TAFA2: variants seen among roughly 807,000 people sequenced by gnomAD.
TAFA2 encodes TAFA chemokine like family member 2.
TAFA2 carries 7 observed loss-of-function variants against 18.8 expected under a neutral mutation model. The ratio of observed to expected loss-of-function variants is 0.37; its 90% confidence interval spans 0.21 to 0.70. The LOEUF (loss-of-function observed/expected upper bound fraction) is 0.70. Among genes scored for constraint, TAFA2 ranks in the 30% least tolerant of loss-of-function variants. The probability of loss-of-function intolerance (pLI) is 0.53; values close to 1 mark genes in which losing one functional copy is unlikely to be tolerated. For missense variants in TAFA2, 122 were observed against 158.1 expected, an observed-to-expected ratio of 0.77 and a Z score of 1.23; for synonymous variants, 60 against 54.2, an observed-to-expected ratio of 1.11 and a Z score of -0.47.
chr12:62,230,655 T>G (rs1162327879), intron 1 of TAFA2, among the ~76,000 whole-genome samples: 2 of 152,158 alleles, frequency 1.3e-5, no homozygotes, highest in Non-Finnish European at 2.9e-5. Context: ...AGAATGTTTT[T>G]GGGTTTTGGT....
chr12:61,971,562 A>C (rs371517850), intron 1 of TAFA2, among the ~76,000 whole-genome samples: 1 of 151,924 alleles, frequency 6.6e-6, no homozygotes, highest in Non-Finnish European at 1.5e-5. Flanking sequence ...GGATGAGTTC[A>C]TGTCCTTTGC....
chr12:61,753,543 C>T, intron 4 of TAFA2, 79 bp downstream of exon 4: 3 of 1,339,406 alleles, frequency 2.2e-6, no homozygotes, highest in South Asian at 3.0e-5. Flanking sequence ...ACAATTGCCA[C>T]TTAAATTGGT....
intron 1 of TAFA2, among the ~76,000 whole-genome samples, chr12:62,140,995 C>G (rs1173304931): frequency 6.6e-6 from 1 of 152,184 alleles, no homozygotes; most frequent in Non-Finnish European, 1.5e-5. Context: ...AGGTGCTGTG[C>G]TGAGTGCTTT....
chr12:61,908,261 A>T (rs920983990), intron 1 of TAFA2, among the ~76,000 whole-genome samples: 6 of 152,140 alleles, frequency 3.9e-5, no homozygotes, highest in African/African-American at 1.4e-4. Flanking sequence ...GGAGGGACCC[A>T]GTGGGAGGTA....
At chr12:61,925,148 C>G (rs1244938332) in intron 1 of TAFA2, among the ~76,000 whole-genome samples, 2 of 152,130 alleles carry the variant, frequency 1.3e-5, no homozygotes, top group African/African-American at 2.4e-5. Context: ...GAGACATTAA[C>G]ACCCCACTGT....
At chr12:61,909,107 A>G (rs1876491502) in intron 1 of TAFA2, among the ~76,000 whole-genome samples, 1 of 152,140 alleles carries the variant, frequency 6.6e-6, no homozygotes, top group African/African-American at 2.4e-5. Flanking sequence ...ATCTAGAGAG[A>G]AAGGCATCCA....
At chr12:62,024,676 T>C (rs1881257106) in intron 1 of TAFA2, among the ~76,000 whole-genome samples, 1 of 151,888 alleles carries the variant, frequency 6.6e-6, no homozygotes. Flanking sequence ...TAAACAACCT[T>C]CATAATGGGA....
intron 2 of TAFA2, among the ~76,000 whole-genome samples, chr12:61,807,116 G>C (rs1375013463): frequency 2.0e-5 from 3 of 150,492 alleles, no homozygotes; most frequent in Non-Finnish European, 4.4e-5. Flanking sequence ...CGTCTTCATA[G>C]CAGGACCTCC....
intron 1 of TAFA2, among the ~76,000 whole-genome samples, chr12:61,925,876 C>A (rs914898408): frequency 5.3e-5 from 8 of 152,220 alleles, no homozygotes; most frequent in Admixed American, 1.3e-4. Context: ...GAGATACAGA[C>A]ACGAAAAGCC....
intron 2 of TAFA2, among the ~76,000 whole-genome samples, chr12:61,794,798 C>T (rs543769066): frequency 7.2e-5 from 11 of 152,054 alleles, no homozygotes; most frequent in Non-Finnish European, 1.3e-4. Flanking sequence ...AGGCAACCCA[C>T]ACAATGGGAA....
intron 1 of TAFA2, among the ~76,000 whole-genome samples, chr12:61,936,585 CAAATAAAT>C (rs59196910): frequency 1.7e-4 from 26 of 150,818 alleles, no homozygotes; most frequent in East Asian, 5.9e-4. Context: ...CATAAAAATA[CAAATAAAT>C]AAATAAATAA....
At chr12:62,142,677 T>A (rs781122552) in intron 1 of TAFA2, among the ~76,000 whole-genome samples, 12 of 152,280 alleles carry the variant, frequency 7.9e-5, no homozygotes, top group Middle Eastern at 3.4e-3. Flanking sequence ...AAGCAAAGTT[T>A]CCCATGGTAT....
intron 1 of TAFA2, among the ~76,000 whole-genome samples, chr12:62,183,495 C>A (rs1423276265): frequency 6.6e-6 from 1 of 152,150 alleles, no homozygotes; most frequent in African/African-American, 2.4e-5. Flanking sequence ...GCAAACCTCC[C>A]ACCTCAGCCT....
chr12:61,972,842 G>A lies in TAFA2; in HGVS notation c.-1-105416C>T, dbSNP rs74096148. Reference sequence around the variant, plus strand: ...GAAAAGTGAGAGGTAACATCAAACTGGGGTCAAGCGGATTACAGATAGTTC... The same window carrying A: ...GAAAAGTGAGAGGTAACATCAAACTAGGGTCAAGCGGATTACAGATAGTTC... On this transcript the variant is annotated intron_variant, in intron 1 of 4. Transcript: ENST00000416284. Among the ~76,000 whole-genome samples the A allele has an allele frequency of 8.1e-3, 1,229 of 151,596 alleles. 16 individuals carry two copies. The highest frequency in any genetic ancestry group is 0.029 in the African/African-American group (1,188 of 41,412).
chr12:61,866,780 A>C (rs2121217783), intron 2 of TAFA2, among the ~76,000 whole-genome samples: 1 of 152,302 alleles, frequency 6.6e-6, no homozygotes, highest in Non-Finnish European at 1.5e-5. Flanking sequence ...CATTGAAAGA[A>C]AATTTACATA....
At chr12:62,003,235 A>G (rs1028218878) in intron 1 of TAFA2, among the ~76,000 whole-genome samples, 2 of 152,126 alleles carry the variant, frequency 1.3e-5, no homozygotes, top group African/African-American at 4.8e-5. Context: ...CAATACTCTC[A>G]AGTGGCTTCC....
intron 2 of TAFA2, among the ~76,000 whole-genome samples, chr12:61,860,821 C>T (rs1431323633): frequency 6.6e-6 from 1 of 152,180 alleles, no homozygotes; most frequent in Non-Finnish European, 1.5e-5. Flanking sequence ...ATACTCTTAA[C>T]CTGAAATTTT....
At chr12:62,040,683 C>T (rs1340058370) in intron 1 of TAFA2, among the ~76,000 whole-genome samples, 1 of 152,104 alleles carries the variant, frequency 6.6e-6, no homozygotes, top group African/African-American at 2.4e-5. Context: ...TCTGTTATTT[C>T]AGCCACCCCA....
intron 2 of TAFA2, among the ~76,000 whole-genome samples, chr12:61,808,614 AG>A (rs1456661510): frequency 6.6e-6 from 1 of 151,458 alleles, no homozygotes; most frequent in Admixed American, 6.6e-5. Context: ...GTAGTTTAGC[AG>A]GAAGTTACGG....
Sources: gnomAD v4.1 joint callset for allele counts (sites outside exome capture counted in the v4.1 genomes callset) on GRCh38, gnomAD v4.1.1 for gene constraint, MANE v1.5 for transcripts, NCBI Gene and HGNC (gene_info 2026-07-23, HGNC 2026-07-21) for gene names.